The following TLE4 variants were observed in gnomAD, a reference collection of about 807,000 sequenced individuals.
TLE4 encodes the protein transducin-like enhancer protein 4.
TLE4 carries 8 observed loss-of-function variants against 92.8 expected under a neutral mutation model. The ratio of observed to expected loss-of-function variants is 0.09; its 90% CI spans 0.05 to 0.16. The LOEUF is 0.16. Among genes scored for constraint, TLE4 ranks in the 10% least tolerant of loss-of-function variants. TLE4 has a pLI of 1.00. For missense variants in TLE4, 675 were observed against 997.6 expected (o/e 0.68, Z 4.36); for synonymous variants, 371 against 374.1 (o/e 0.99, Z 0.10).
chr9:79,593,786 A>C (rs994193392), intron 4 of TLE4, among the ~76,000 whole-genome samples: 1 of 152,214 alleles, frequency 6.6e-6, no homozygotes, highest in African/African-American at 2.4e-5. Context: ...GTCTAGGTTC[A>C]AAGGGTGATA....
chr9:79,704,476 G>C (rs904999997), intron 8 of TLE4, among the ~76,000 whole-genome samples: 1 of 152,132 alleles, frequency 6.6e-6, no homozygotes, highest in Admixed American at 6.5e-5. Flanking sequence ...AACCCATTCT[G>C]TTTTGAGTTT....
intron 1 of TLE4, 101 bp from the exon 2 acceptor site, chr9:79,573,588 G>GCT: frequency 1.0e-6 from 1 of 983,582 alleles, no homozygotes; most frequent in Non-Finnish European, 1.5e-6. Flanking sequence ...TTGCGTGCGC[G>GCT]ATGACCCTCA....
At chr9:79,674,086 T>C (rs1475675) in intron 8 of TLE4, among the ~76,000 whole-genome samples, 138,233 of 152,176 alleles carry the variant, frequency 0.91, 62,785 homozygotes, top group African/African-American at 0.92. Context: ...TGAGAAGTGG[T>C]TTATTGCTTT....
rs776994240 is a variant in TLE4 at position 79,722,954 on chromosome 9, TA to T, written c.2138-4del. On this transcript the variant is annotated splice_polypyrimidine_tract_variant and splice_region_variant and intron_variant, in intron 18 of 19. Transcript: ENST00000376552. ...ATTGCCTTTTTCAAAACCCTTTACC[TA>T]TAGGCAAATGGTTTGTAAGCACTGG... 5 of 1,613,958 alleles carry T rather than the reference TA, an allele frequency of 3.1e-6. No homozygotes were observed. In the South Asian group the frequency reaches 5.5e-5, roughly 18 times the overall value.
Position 79,655,688 on chromosome 9 carries a change from C to T in TLE4, c.609+1613C>T, listed in dbSNP as rs183524997. On this transcript the variant is annotated intron_variant, in intron 8 of 19. Transcript: ENST00000376552. ...CTTAAAGTATATTAAGTGTTTTTCA[C>T]ACATGTGTACTTAGGAAGTAGTAAG... 2.6e-5 allele frequency among the ~76,000 whole-genome samples: 4 copies of T among 152,282 alleles called. No homozygotes were observed. In the East Asian group the frequency reaches 7.7e-4, roughly 29 times the overall value.
chr9:79,697,190 T>C (rs1186441334), intron 8 of TLE4, among the ~76,000 whole-genome samples: 1 of 152,206 alleles, frequency 6.6e-6, no homozygotes, highest in Non-Finnish European at 1.5e-5. Flanking sequence ...TGTTAGACTT[T>C]GCAAACTTTG....
At chr9:79,618,982 G>A (rs1272248390) in intron 5 of TLE4, among the ~76,000 whole-genome samples, 1 of 152,116 alleles carries the variant, frequency 6.6e-6, no homozygotes, top group East Asian at 1.9e-4. Flanking sequence ...TGGGGAAAAG[G>A]GAACTTCCAT....
At chr9:79,574,973 A>T in intron 3 of TLE4, 37 bp downstream of exon 3, 1 of 1,571,102 alleles carries the variant, frequency 6.4e-7, no homozygotes, top group East Asian at 2.2e-5. Context: ...AGTGCCTATT[A>T]GTTTGGAATA....
At chr9:79,575,579 G>C (rs937579733) in intron 3 of TLE4, among the ~76,000 whole-genome samples, 3 of 152,166 alleles carry the variant, frequency 2.0e-5, no homozygotes, top group African/African-American at 7.2e-5. Context: ...AACCAGATCT[G>C]CTTTTACAGA....
intron 4 of TLE4, among the ~76,000 whole-genome samples, chr9:79,588,135 C>CGTGCGTGT (rs1554691197): frequency 6.8e-6 from 1 of 146,716 alleles, no homozygotes; most frequent in Non-Finnish European, 1.5e-5. Flanking sequence ...TTTATCCTTG[C>CGTGCGTGT]GTGTGTGTGT....
At chr9:79,647,890 G>A (rs1458485051) in intron 6 of TLE4, among the ~76,000 whole-genome samples, 2 of 149,672 alleles carry the variant, frequency 1.3e-5, no homozygotes, top group Non-Finnish European at 3.0e-5. Context: ...CCGGGGTGAT[G>A]AGGGATGTCT....
chr9:79,657,589 A>G (rs1022258572), intron 8 of TLE4, among the ~76,000 whole-genome samples: 1 of 152,094 alleles, frequency 6.6e-6, no homozygotes, highest in African/African-American at 2.4e-5. Flanking sequence ...GCCCAGACTG[A>G]ACCAGTGCTA....
chr9:79,694,124 G>C (rs115248411), intron 8 of TLE4, among the ~76,000 whole-genome samples: 1 of 152,182 alleles, frequency 6.6e-6, no homozygotes, highest in Non-Finnish European at 1.5e-5. Context: ...AGGGCGGAGG[G>C]GGGAGTGTGG....
intron 8 of TLE4, among the ~76,000 whole-genome samples, chr9:79,677,412 A>T (rs2063467678): frequency 6.6e-6 from 1 of 152,138 alleles, no homozygotes; most frequent in African/African-American, 2.4e-5. Flanking sequence ...GTCATGGGCC[A>T]GGCATTGGGC....
chr9:79,641,568 C>T (rs530474888), intron 6 of TLE4, among the ~76,000 whole-genome samples: 3 of 152,198 alleles, frequency 2.0e-5, no homozygotes, highest in African/African-American at 4.8e-5. Flanking sequence ...GCAAGCGTCT[C>T]TCTTGTTCTG....
In TLE4 at chr9:79,635,930, TTCTC is replaced by T. The variant is rs1296529159; in HGVS notation, c.390+8485_390+8488del. Among the ~76,000 whole-genome samples the T allele has an allele frequency of 3.3e-5, 5 of 152,108 alleles. No homozygotes were observed. In the East Asian group the frequency reaches 7.7e-4, roughly 23 times the overall value. ...AGGGTCTAAGCTCAGTATAAACACT[TTCTC>T]TCATCAGAAATGGTGTCTGCTCCAC... On this transcript the variant is annotated intron_variant, in intron 6 of 19. Transcript: ENST00000376552.
intron 5 of TLE4, among the ~76,000 whole-genome samples, chr9:79,616,540 T>G (rs917490437): frequency 6.6e-6 from 1 of 152,190 alleles, no homozygotes; most frequent in Non-Finnish European, 1.5e-5. Context: ...GTGAATTGAT[T>G]ATCTTCCTCT....
intron 4 of TLE4, among the ~76,000 whole-genome samples, chr9:79,597,833 G>A (rs932604654): frequency 6.6e-6 from 1 of 152,126 alleles, no homozygotes; most frequent in Non-Finnish European, 1.5e-5. Context: ...AAATGGGGAC[G>A]AGAGTAATCC....
At chr9:79,646,694 A>G (rs1028925414) in intron 6 of TLE4, among the ~76,000 whole-genome samples, 10 of 152,200 alleles carry the variant, frequency 6.6e-5, no homozygotes, top group Admixed American at 6.5e-5. Context: ...ACCACTAAGT[A>G]CAGAAAGGGG....
Sources: gnomAD v4.1 joint callset for allele counts (sites outside exome capture counted in the v4.1 genomes callset) on GRCh38, gnomAD v4.1.1 for gene constraint, MANE v1.5 for transcripts, NCBI Gene and HGNC (gene_info 2026-07-23, HGNC 2026-07-21) for gene names.